The following DCC variants were observed in gnomAD, a reference collection of about 807,000 sequenced individuals.
The protein encoded by DCC is DCC netrin 1 receptor.
DCC carries 58 observed loss-of-function variants against 172.5 expected under a neutral mutation model. The ratio of observed to expected loss-of-function variants is 0.34; its 90% CI spans 0.27 to 0.42. DCC has a LOEUF of 0.42. DCC is among the 10% of genes least tolerant of loss of function. The probability of loss-of-function intolerance (pLI) is 1.00; values close to 1 mark genes in which losing one functional copy is unlikely to be tolerated. For missense variants in DCC, 1,740 were observed against 1,791.0 expected (o/e 0.97, Z 0.51); for synonymous variants, 709 against 644.5 (o/e 1.10, Z -1.52).
At chr18:52,825,342 C>A (rs1358118807) in intron 2 of DCC, among the ~76,000 whole-genome samples, 1 of 152,048 alleles carries the variant, frequency 6.6e-6, no homozygotes, top group African/African-American at 2.4e-5. Context: ...GCATATCATA[C>A]CTTGGTGTCT....
rs150804543 is a variant in DCC, at chr18:53,004,030, C to T, written c.986-59275C>T. The stretch of plus-strand genomic sequence containing the variant: ...ACTACTTGGAAATGTCACTTAACCT[C>T]ATTGAATGCCAGTTTTCTCATTAAC... On this transcript the variant is annotated intron_variant, in intron 5 of 28. Transcript: ENST00000442544. Among the ~76,000 whole-genome samples, 1,029 of 152,300 alleles carry T rather than the reference C, an allele frequency of 6.8e-3. 13 individuals are homozygous for T. Among genetic ancestry groups the T allele is most frequent in the African/African-American group, 0.024 (992 of 41,572 alleles).
chr18:53,275,223 T>C (rs1210432616), intron 12 of DCC, among the ~76,000 whole-genome samples: 1 of 152,078 alleles, frequency 6.6e-6, no homozygotes, highest in East Asian at 1.9e-4. Context: ...GAGAACAACA[T>C]ATACCCATAT....
chr18:52,468,277 T>C (rs750737086), intron 1 of DCC, among the ~76,000 whole-genome samples: 6 of 152,168 alleles, frequency 3.9e-5, no homozygotes, highest in Non-Finnish European at 8.8e-5. Context: ...AGAATTTATA[T>C]GGGGAAGCGA....
chr18:52,777,973 T>C (rs959404601), intron 2 of DCC, among the ~76,000 whole-genome samples: 5 of 151,730 alleles, frequency 3.3e-5, no homozygotes, highest in African/African-American at 9.7e-5. Context: ...CTAATCTTGA[T>C]AGAAGGAAAA....
Position 52,889,514 on chromosome 18 carries a change from G to A in DCC, c.413-16530G>A, listed in dbSNP as rs567296955. On this transcript the variant is annotated intron_variant, in intron 2 of 28. Transcript: ENST00000442544. The stretch of plus-strand genomic sequence containing the variant: ...TTATAGAATGATTTTGGACAGATAT[G>A]TAGCTATTGACATGAAAGCCATCAA... Among the ~76,000 whole-genome samples, 5 of 152,228 alleles carry A rather than the reference G, an allele frequency of 3.3e-5. No individual in the cohort carries two copies. In the East Asian group the frequency reaches 7.7e-4, roughly 23 times the overall value.
At chr18:53,428,324 A>AGT (rs1491236447) in intron 21 of DCC, among the ~76,000 whole-genome samples, 2 of 37,464 alleles carry the variant, frequency 5.3e-5, no homozygotes, top group African/African-American at 2.0e-4. Context: ...TATATAATAT[A>AGT]ATATAATATA....
rs1219557682 is a variant in DCC at position 52,423,493 on chromosome 18, C to T, written c.91+82615C>T. On this transcript the variant is annotated intron_variant, in intron 1 of 28. Coordinates refer to ENST00000442544, the MANE Select transcript of DCC (RefSeq NM_005215.4). ...CTTGACTACACAGGCTTTCAAACCT[C>T]CAGCAGATGAACACAGAAGATGAAG... Among the ~76,000 whole-genome samples, 4 of 151,864 alleles carry T rather than the reference C, an allele frequency of 2.6e-5. 1 individual carries two copies. Among genetic ancestry groups the T allele is most frequent in the Non-Finnish European group, 4.4e-5 (3 of 67,964 alleles).
At chr18:53,306,203 T>G (rs922538441) in intron 13 of DCC, among the ~76,000 whole-genome samples, 1 of 152,180 alleles carries the variant, frequency 6.6e-6, no homozygotes, top group African/African-American at 2.4e-5. Flanking sequence ...GCAGCAATAT[T>G]GATAGAATTC....
At chr18:53,440,162 A>T (rs1458505077) in intron 22 of DCC, among the ~76,000 whole-genome samples, 1 of 152,342 alleles carries the variant, frequency 6.6e-6, no homozygotes, top group East Asian at 1.9e-4. Flanking sequence ...TGTAGTTTAT[A>T]TTTGTATAAA....
chr18:52,604,231 C>T (rs1294024130), intron 1 of DCC, among the ~76,000 whole-genome samples: 1 of 152,054 alleles, frequency 6.6e-6, no homozygotes, highest in Non-Finnish European at 1.5e-5. Context: ...TCAATCTGAC[C>T]AAATGTCTCC....
At chr18:52,487,878 CA>C (rs1224083218) in intron 1 of DCC, among the ~76,000 whole-genome samples, 5 of 145,796 alleles carry the variant, frequency 3.4e-5, no homozygotes, top group African/African-American at 1.3e-4. Flanking sequence ...AGCTCCTTGA[CA>C]AATACATAAA....
chr18:53,486,745 G>GTTGAGTGAATACATAA, intron 25 of DCC, 52 bp from the exon 26 acceptor site: 1 of 1,612,926 alleles, frequency 6.2e-7, no homozygotes, highest in South Asian at 1.1e-5. Context: ...TTTTTTGCTT[G>GTTGAGTGAATACATAA]TTGAGTGAAT....
chr18:53,513,037 A>G (rs1444681804), intron 27 of DCC, among the ~76,000 whole-genome samples: 2 of 152,184 alleles, frequency 1.3e-5, no homozygotes, highest in Non-Finnish European at 2.9e-5. Context: ...AAATGAAGGA[A>G]AAAATGTTAA....
chr18:52,889,902 T>C (rs1319291702), intron 2 of DCC, among the ~76,000 whole-genome samples: 1 of 152,090 alleles, frequency 6.6e-6, no homozygotes, highest in Admixed American at 6.6e-5. Flanking sequence ...CAAAAATAAT[T>C]CTTACTGTGA....
At chr18:52,367,911 A>G (rs1984950849) in intron 1 of DCC, among the ~76,000 whole-genome samples, 1 of 152,200 alleles carries the variant, frequency 6.6e-6, no homozygotes. Context: ...TCACAGAGGT[A>G]TTGATCAGAA....
At chr18:52,949,077 A>C (rs563497242) in intron 5 of DCC, among the ~76,000 whole-genome samples, 1 of 152,214 alleles carries the variant, frequency 6.6e-6, no homozygotes, top group Non-Finnish European at 1.5e-5. Context: ...GGCTATTGCC[A>C]AGTCCTGTTT....
rs2034646309 is a variant in DCC, at chr18:52,630,004, T to TAA, written c.92-122049_92-122048dup. ...AGCCAGACATGGTGGCAGGCACCTA[T>TAA]AATCCCAGCTACTCAGGAGGTTGAG... On this transcript the variant is annotated intron_variant, in intron 1 of 28. Transcript: ENST00000442544. Among the ~76,000 whole-genome samples the TAA allele has an allele frequency of 3.2e-5, 4 of 124,708 alleles. No individual in the cohort carries two copies. The Admixed American group carries it at 3.6e-4, about 11-fold the overall frequency. The allele number at this position is 124,708 out of a possible 152,430, so 81.8% of individuals were successfully genotyped here.
At chr18:53,340,333 C>T (rs1400772767) in intron 15 of DCC, among the ~76,000 whole-genome samples, 2 of 152,072 alleles carry the variant, frequency 1.3e-5, no homozygotes, top group Admixed American at 1.3e-4. Flanking sequence ...GTTAATTTTT[C>T]TTTAACCTTG....
intron 14 of DCC, among the ~76,000 whole-genome samples, chr18:53,326,942 C>A (rs1024253501): frequency 3.3e-5 from 5 of 152,004 alleles, no homozygotes; most frequent in Non-Finnish European, 5.9e-5. Flanking sequence ...TATAACTTAC[C>A]CCCCTGCTTC....
Sources: allele counts gnomAD v4.1 joint callset (sites outside exome capture counted in the v4.1 genomes callset), GRCh38; gene constraint gnomAD v4.1.1; transcripts MANE v1.5; gene names NCBI Gene and HGNC (gene_info 2026-07-23, HGNC 2026-07-21).